The following ZNF540 variants were observed in gnomAD, a reference collection of about 807,000 sequenced individuals.
ZNF540 encodes zinc finger protein 540, also known as CTD-3064H18.6.
A neutral mutation model predicts 11.8 loss-of-function variants in ZNF540; 3 were observed. The ratio of observed to expected loss-of-function variants is 0.25; its 90% CI spans 0.12 to 0.65. The LOEUF (loss-of-function observed/expected upper bound fraction) is 0.65. Ranked by LOEUF, ZNF540 falls within the 30% of genes least tolerant of loss-of-function variation. ZNF540 has a pLI of 0.83. For missense variants in ZNF540, 709 were observed against 793.1 expected (o/e 0.89, Z 1.27); for synonymous variants, 247 against 259.0 (o/e 0.95, Z 0.45).
intron 1 of ZNF540, chr19:37,564,441 G>A (rs2042775298): frequency 1.9e-6 from 1 of 530,058 alleles, no homozygotes. Context: ...GAGATGTTAA[G>A]GAATTATTTA....
In ZNF540 at chr19:37,583,978, G is replaced by T. The variant is rs115809699; in HGVS notation, c.-72-14398G>T. On this transcript the variant is annotated intron_variant, in intron 1 of 4. Transcript: ENST00000592533. ...TACGTAGGATGATCTTACCCAATGAGATCAGGTTGCTGTAGTTCTCCAACA... is the reference window on the plus strand; with the variant it reads ...TACGTAGGATGATCTTACCCAATGATATCAGGTTGCTGTAGTTCTCCAACA... The T allele has an allele frequency of 6.2e-6, 10 of 1,609,772 alleles. No homozygotes were observed. In the African/African-American group the frequency reaches 9.3e-5, roughly 15 times the overall value.
intron 1 of ZNF540, among the ~76,000 whole-genome samples, chr19:37,571,510 A>T (rs561957788): frequency 6.6e-6 from 1 of 152,244 alleles, no homozygotes; most frequent in African/African-American, 2.4e-5. Context: ...AAACAAAAAC[A>T]AACAAAAAAA....
At chr19:37,564,463 A>AAAT in intron 1 of ZNF540, 1 of 703,004 alleles carries the variant, frequency 1.4e-6, no homozygotes, top group Non-Finnish European at 2.1e-6. Context: ...GGGGTTTCTG[A>AAAT]AATTATTCTG....
upstream of ZNF540, among the ~76,000 whole-genome samples, chr19:37,593,922 T>G (rs2043941259): frequency 6.6e-6 from 1 of 151,906 alleles, no homozygotes; most frequent in Admixed American, 6.6e-5. Context: ...AAGGAAGAAA[T>G]TTGAGGTTAG....
At chr19:37,597,131 A>C (rs144285672) in intron 1 of ZNF540, among the ~76,000 whole-genome samples, 17 of 152,262 alleles carry the variant, frequency 1.1e-4, no homozygotes, top group African/African-American at 3.4e-4. Flanking sequence ...AGGATTAAAT[A>C]GCTATATATA....
chr19:37,611,905 C>G lies in ZNF540; in HGVS notation c.625C>G (p.His209Asp), dbSNP rs760639650. The G allele has an allele frequency of 6.2e-7, 1 of 1,613,712 alleles. No individual in the cohort carries two copies. Among genetic ancestry groups the G allele is most frequent in the Non-Finnish European group, 8.5e-7 (1 of 1,179,942 alleles). ...TCAGCTTACTCTCCATCAGAAAATT[C>G]ATACTGGTGAAAAATCCTGTAAATG... is the stretch of plus-strand genomic sequence containing the variant. ...VYQLTLHQKI[H>D]TGEKSCKCEK... The change falls in exon 5 of 5, where the codon CAT becomes GAT. Residue 209 changes from histidine (H) to aspartate (D), a missense_variant. Transcript: ENST00000316433.
chr19:37,599,210 A>G (rs1600556705), intron 2 of ZNF540, among the ~76,000 whole-genome samples: 1 of 152,132 alleles, frequency 6.6e-6, no homozygotes, highest in African/African-American at 2.4e-5. Flanking sequence ...ATAAACTTAA[A>G]GGAAAAAGAG....
chr19:37,614,096 GC>G lies in ZNF540; in HGVS notation c.*835del, dbSNP rs2147237440. 2.6e-6 allele frequency: 1 copy of G among 381,014 alleles called. No homozygotes were observed. The highest frequency in any genetic ancestry group is 4.6e-6 in the Non-Finnish European group (1 of 215,816). The allele number at this position is 381,014 out of a possible 1,614,324, so 23.6% of individuals were successfully genotyped here. The stretch of plus-strand genomic sequence containing the variant: ...AGAAATAAACCTCAGTTGTTTATAA[GC>G]CACTGAGTCTACGATATTTTGTTAT... On this transcript the variant is annotated 3_prime_UTR_variant, in exon 5 of 5. Transcript: ENST00000316433.
At chr19:37,552,521 T>C (rs567526347) in intron 1 of ZNF540, among the ~76,000 whole-genome samples, 1 of 152,358 alleles carries the variant, frequency 6.6e-6, no homozygotes, top group South Asian at 2.1e-4. Flanking sequence ...GTTTTTAATG[T>C]ATTGTTTAGT....
chr19:37,559,952 A>G (rs576511355), intron 1 of ZNF540, among the ~76,000 whole-genome samples: 1 of 152,364 alleles, frequency 6.6e-6, no homozygotes, highest in East Asian at 1.9e-4. Context: ...TTTTAACAGC[A>G]GATGAGTGCA....
At chr19:37,572,734 A>T (rs1479745214) in intron 1 of ZNF540, among the ~76,000 whole-genome samples, 6 of 152,232 alleles carry the variant, frequency 3.9e-5, no homozygotes, top group African/African-American at 1.4e-4. Context: ...CTTAGGAGCC[A>T]AAAATTGGTG....
intron 4 of ZNF540, among the ~76,000 whole-genome samples, chr19:37,605,139 G>A (rs2044073909): frequency 6.6e-6 from 1 of 152,132 alleles, no homozygotes; most frequent in Admixed American, 6.5e-5. Flanking sequence ...AACACCTGAG[G>A]GTGGGATTCA....
chr19:37,598,636 T>A (rs998266567), intron 2 of ZNF540, among the ~76,000 whole-genome samples, 180 bp downstream of exon 2: 1 of 152,122 alleles, frequency 6.6e-6, no homozygotes, highest in African/African-American at 2.4e-5. Flanking sequence ...ACCAACTCAT[T>A]CAGGGTACTC....
intron 1 of ZNF540, among the ~76,000 whole-genome samples, chr19:37,553,274 A>G (rs2042627884): frequency 6.6e-6 from 1 of 151,092 alleles, no homozygotes. Flanking sequence ...GCTGGGTTAC[A>G]GGTGCCCACC....
chr19:37,599,569 CT>C, intron 2 of ZNF540, 56 bp from the exon 3 acceptor site: 2 of 1,609,220 alleles, frequency 1.2e-6, no homozygotes, highest in Non-Finnish European at 1.7e-6. Context: ...TCCTTTTCTT[CT>C]TTTTAAAATA....
Position 37,564,821 on chromosome 19 carries a change from C to T in ZNF540, c.-73+13156C>T, listed in dbSNP as rs755147677. The T allele has an allele frequency of 7.4e-6, 12 of 1,613,932 alleles. No homozygotes were observed. In the South Asian group the frequency reaches 1.2e-4, roughly 16 times the overall value. On this transcript the variant is annotated intron_variant, in intron 1 of 4. Coordinates refer to the ZNF540 transcript ENST00000592533. Reference sequence around the variant, plus strand: ...GTGTGAGCCACGAATAAAAGCCTTCCCACACTGTTTACATTCATAAGGTTT... The same window carrying T: ...GTGTGAGCCACGAATAAAAGCCTTCTCACACTGTTTACATTCATAAGGTTT...
Position 37,601,042 on chromosome 19 carries a change from TTA to T in ZNF540, c.170_171del (p.Leu57SerfsTer27), listed in dbSNP as rs1393830593. The T allele has an allele frequency of 3.8e-6, 6 of 1,591,324 alleles. No homozygotes were observed. Among genetic ancestry groups the T allele is most frequent in the Non-Finnish European group, 5.1e-6 (6 of 1,169,030 alleles). The part of the protein sequence containing the change: ...YSGSKPDVIT[L>X]LEQGKEPCVV... ...TGGCTCAAAGCCAGATGTGATTACCTTACTGGAGCAAGGGAAAGAGCCCTGCG... is the reference window on the plus strand; with the variant it reads ...TGGCTCAAAGCCAGATGTGATTACCTCTGGAGCAAGGGAAAGAGCCCTGCG... On this transcript the variant is annotated frameshift_variant, in exon 4 of 5. Transcript: ENST00000316433. LOFTEE classifies it high-confidence loss of function.
chr19:37,595,988 AT>A (rs930832223), intron 1 of ZNF540, among the ~76,000 whole-genome samples: 1 of 151,984 alleles, frequency 6.6e-6, no homozygotes, highest in East Asian at 1.9e-4. Context: ...ACTTCCTTAA[AT>A]TTTTTTTTAA....
At position 37,565,245 on chromosome 19, in the gene ZNF540, C is replaced by G. The variant is rs1437559267; in HGVS notation, c.-73+13580C>G. The stretch of plus-strand genomic sequence containing the variant: ...TTAGAAATAAAGGCTTTCCCACATT[C>G]TTTGCATTTATAAGGTCTCTCACCT... On this transcript the variant is annotated intron_variant, in intron 1 of 4. Transcript: ENST00000592533. 9 of 1,612,718 alleles carry G rather than the reference C, an allele frequency of 5.6e-6. No homozygotes were observed. The highest frequency in any genetic ancestry group is 7.6e-6 in the Non-Finnish European group (9 of 1,179,584).
Sources: gnomAD v4.1 joint callset for allele counts (sites outside exome capture counted in the v4.1 genomes callset) on GRCh38, gnomAD v4.1.1 for gene constraint, MANE v1.5 for transcripts, NCBI Gene and HGNC (gene_info 2026-07-23, HGNC 2026-07-21) for gene names.